Variants in ADAMTSL1 observed in about 807,000 individuals in gnomAD.
ADAMTSL1 encodes the protein ADAMTS like 1.
A neutral mutation model predicts 201.8 loss-of-function variants in ADAMTSL1; 126 were observed. The ratio of observed to expected loss-of-function variants is 0.62; its 90% confidence interval spans 0.54 to 0.72. The LOEUF is 0.72. Ranked by LOEUF, ADAMTSL1 falls within the 30% of genes least tolerant of loss-of-function variation. The pLI is 0.00. For missense variants in ADAMTSL1, 2,679 were observed against 2,277.8 expected, an observed-to-expected ratio of 1.18 and a Z score of -3.59; for synonymous variants, 1,121 against 903.4, an observed-to-expected ratio of 1.24 and a Z score of -4.32.
At chr9:18,109,038 T>A (rs976847165) in intron 1 of ADAMTSL1, among the ~76,000 whole-genome samples, 1 of 152,160 alleles carries the variant, frequency 6.6e-6, no homozygotes, top group African/African-American at 2.4e-5. Context: ...TCACCAGCAA[T>A]CTTATAAAAT....
chr9:18,516,201 C>G (rs543061563), intron 2 of ADAMTSL1, among the ~76,000 whole-genome samples: 3 of 152,010 alleles, frequency 2.0e-5, no homozygotes, highest in Admixed American at 2.0e-4. Flanking sequence ...GTTATCTGAC[C>G]CTGTTTTCCT....
intron 2 of ADAMTSL1, among the ~76,000 whole-genome samples, chr9:18,205,411 G>C (rs1216755801): frequency 6.6e-6 from 1 of 151,622 alleles, no homozygotes; most frequent in Non-Finnish European, 1.5e-5. Context: ...ATCTTTTATG[G>C]TTATCATTAC....
intron 2 of ADAMTSL1, among the ~76,000 whole-genome samples, chr9:18,519,004 G>T (rs1818527223): frequency 6.6e-6 from 1 of 152,116 alleles, no homozygotes; most frequent in South Asian, 2.1e-4. Context: ...CTACCTCTCT[G>T]CCTCCTCTCC....
intron 14 of ADAMTSL1, among the ~76,000 whole-genome samples, chr9:18,721,232 G>A (rs115196739): frequency 0.015 from 2,323 of 152,292 alleles, 23 homozygotes; most frequent in South Asian, 0.031. Context: ...CAGCATTGGT[G>A]GCATTAGCCT....
At chr9:18,306,940 G>A (rs1390907155) in intron 2 of ADAMTSL1, among the ~76,000 whole-genome samples, 5 of 152,202 alleles carry the variant, frequency 3.3e-5, no homozygotes, top group Non-Finnish European at 7.3e-5. Context: ...AGGGCAGGAA[G>A]AGAGAAAGGT....
intron 3 of ADAMTSL1, among the ~76,000 whole-genome samples, chr9:18,554,039 A>G (rs1440126279): frequency 6.6e-6 from 1 of 151,630 alleles, no homozygotes; most frequent in Non-Finnish European, 1.5e-5. Flanking sequence ...TCTATATTGT[A>G]TTTTATATAA....
intron 1 of ADAMTSL1, among the ~76,000 whole-genome samples, chr9:17,926,184 T>G (rs1826518649): frequency 6.6e-6 from 1 of 152,206 alleles, no homozygotes. Flanking sequence ...GAATGACTAT[T>G]GTGATGTTTC....
chr9:18,032,620 G>A (rs920380097), intron 1 of ADAMTSL1, among the ~76,000 whole-genome samples: 37 of 152,170 alleles, frequency 2.4e-4, no homozygotes, highest in African/African-American at 8.0e-4. Flanking sequence ...GCAACATGGA[G>A]AGTCTTGGAA....
intron 1 of ADAMTSL1, among the ~76,000 whole-genome samples, chr9:17,942,567 A>G (rs1464778278): frequency 6.6e-6 from 1 of 152,164 alleles, no homozygotes; most frequent in Non-Finnish European, 1.5e-5. Flanking sequence ...CCTAGAAGCC[A>G]GTCCTTCCCA....
chr9:18,037,144 A>C lies in ADAMTSL1; in HGVS notation c.88-126718A>C, dbSNP rs527787385. ...TGAACTATGCATTAAATCAGTTTGC[A>C]CTCATGAAACTTCAAGCTTCAGGGA... On this transcript the variant is annotated intron_variant, in intron 1 of 29. Transcript: ENST00000680146. 2.0e-5 allele frequency among the ~76,000 whole-genome samples: 3 copies of C among 152,310 alleles called. No homozygotes were observed. The East Asian group carries it at 5.8e-4, about 29-fold the overall frequency.
intron 23 of ADAMTSL1, among the ~76,000 whole-genome samples, chr9:18,841,942 G>T (rs1825746883): frequency 6.6e-6 from 1 of 151,656 alleles, no homozygotes; most frequent in Non-Finnish European, 1.5e-5. Context: ...TTCTTTATTA[G>T]TCTTGCTAGC....
At chr9:18,338,433 A>G (rs1563896631) in intron 2 of ADAMTSL1, among the ~76,000 whole-genome samples, 1 of 151,556 alleles carries the variant, frequency 6.6e-6, no homozygotes, top group Admixed American at 6.6e-5. Context: ...GTAACTGATT[A>G]TCCCCTTTTC....
chr9:18,043,400 A>T, intron 1 of ADAMTSL1, among the ~76,000 whole-genome samples: 1 of 152,138 alleles, frequency 6.6e-6, no homozygotes, highest in East Asian at 1.9e-4. Context: ...GGATATTTAG[A>T]ACCAGAGGCA....
rs546486410 is a variant in ADAMTSL1, at chr9:18,707,646, C to T, written c.1876+598C>T. Among the ~76,000 whole-genome samples the T allele has an allele frequency of 2.2e-4, 33 of 152,320 alleles. No homozygotes were observed. The South Asian group carries it at 6.8e-3, about 32-fold the overall frequency. ...TGTTCAAGATCATACAGCTGGTGAG[C>T]GACAGAGCTGGGACTAGAACAAAGC... On this transcript the variant is annotated intron_variant, in intron 14 of 28. Transcript: ENST00000380548.
At chr9:17,942,938 A>T (rs1218768583) in intron 1 of ADAMTSL1, among the ~76,000 whole-genome samples, 1 of 152,082 alleles carries the variant, frequency 6.6e-6, no homozygotes, top group Non-Finnish European at 1.5e-5. Flanking sequence ...TGTTTGTTTA[A>T]TAAGACAGGA....
chr9:18,515,379 G>C (rs759558514), intron 2 of ADAMTSL1, among the ~76,000 whole-genome samples: 8 of 152,214 alleles, frequency 5.3e-5, no homozygotes, highest in Admixed American at 1.3e-4. Context: ...GTATCGCCCA[G>C]GCTGGAGTGC....
chr9:18,050,059 T>G (rs1265218960), intron 1 of ADAMTSL1, among the ~76,000 whole-genome samples: 1 of 152,230 alleles, frequency 6.6e-6, no homozygotes, highest in Non-Finnish European at 1.5e-5. Context: ...GAAAGAAAGT[T>G]TAATGACTTT....
chr9:18,873,846 T>G (rs1189261090), intron 23 of ADAMTSL1, among the ~76,000 whole-genome samples: 1 of 152,126 alleles, frequency 6.6e-6, no homozygotes, highest in Non-Finnish European at 1.5e-5. Context: ...GATGGTGGTA[T>G]CTTGATGGGA....
chr9:18,680,436 A>T lies in ADAMTSL1; in HGVS notation c.1261A>T (p.Met421Leu), dbSNP rs1315024275. The T allele has an allele frequency of 1.2e-6, 2 of 1,614,160 alleles. No homozygotes were observed. The highest frequency in any genetic ancestry group is 1.7e-6 in the Non-Finnish European group (2 of 1,180,022). The change falls in exon 11 of 29, where the codon ATG becomes TTG. Residue 421 changes from methionine (M) to leucine (L), a missense_variant. Transcript: ENST00000380548. The stretch of plus-strand genomic sequence containing the variant: ...CACTTCAGTGGAAGAGTGGAAATGC[A>T]TGTACACCCCTAAGATGCCCATCGC... Reference protein sequence around the residue: ...HVTSVEEWKCMYTPKMPIAQP... With the variant: ...HVTSVEEWKCLYTPKMPIAQP...
Sources: gnomAD v4.1 joint callset for allele counts (sites outside exome capture counted in the v4.1 genomes callset) on GRCh38, gnomAD v4.1.1 for gene constraint, MANE v1.5 for transcripts, NCBI Gene and HGNC (gene_info 2026-07-23, HGNC 2026-07-21) for gene names.